Variants in PRMT3 observed in about 807,000 individuals in gnomAD.
PRMT3 encodes protein arginine methyltransferase 3.
A neutral mutation model predicts 71.9 loss-of-function variants in PRMT3; 62 were observed. That is an observed-to-expected ratio of 0.86 (90% CI 0.70 to 1.07). The LOEUF (loss-of-function observed/expected upper bound fraction) is 1.07, where lower values mean the gene tolerates loss of function less well. PRMT3 is among the 50% of genes least tolerant of loss of function. PRMT3 has a pLI of 0.00. For synonymous variants in PRMT3, 213 were observed against 220.4 expected (o/e 0.97, Z 0.30); for missense variants, 663 against 643.0 (o/e 1.03, Z -0.34).
chr11:20,464,542 G>A lies in PRMT3; in HGVS notation c.1343G>A (p.Cys448Tyr). ...FTLKITRTSM[C>Y]TAIAGYFDIY... Reference sequence around the variant, plus strand: ...CTGAAAATCACAAGGACATCCATGTGCACGGTAAGCTATTTCATTCTGCTT... The same window carrying A: ...CTGAAAATCACAAGGACATCCATGTACACGGTAAGCTATTTCATTCTGCTT... Residue 448 changes from cysteine to tyrosine, a missense_variant, in exon 13 of 16, where the codon TGC becomes TAC. Transcript: ENST00000331079. 6.2e-7 allele frequency: 1 copy of A among 1,610,000 alleles called. No individual in the cohort carries two copies. Among genetic ancestry groups the A allele is most frequent in the African/African-American group, 1.3e-5 (1 of 74,710 alleles).
In PRMT3 at chr11:20,504,707, T is replaced by TGAGAGAGAGAGAGA. The variant is rs57201745; in HGVS notation, c.1487-3571_1487-3558dup. ...TATTGTATGTGTGTGTGTGTGTGTG[T>TGAGAGAGAGAGAGA]GAGAGAGAGAGAGAGAGAGAGAGAG... On this transcript the variant is annotated intron_variant, in intron 15 of 15. Transcript: ENST00000331079. 1.6e-4 allele frequency among the ~76,000 whole-genome samples: 21 copies of TGAGAGAGAGAGAGA among 133,642 alleles called. 1 individual carries two copies. Among genetic ancestry groups the TGAGAGAGAGAGAGA allele is most frequent in the African/African-American group, 5.4e-4 (18 of 33,126 alleles). The allele number at this position is 133,642 out of a possible 152,430, so 87.7% of individuals were successfully genotyped here. A position where few individuals can be genotyped will look rare whatever the true frequency, so the allele number is the denominator to read the frequency against.
chr11:20,470,847 C>G (rs1393742392), intron 13 of PRMT3, among the ~76,000 whole-genome samples: 2 of 152,182 alleles, frequency 1.3e-5, no homozygotes, highest in African/African-American at 2.4e-5. Flanking sequence ...AACTAATTTA[C>G]ATTTCCACCA....
chr11:20,467,439 T>C (rs1850538583), intron 13 of PRMT3, among the ~76,000 whole-genome samples: 1 of 152,036 alleles, frequency 6.6e-6, no homozygotes, highest in Non-Finnish European at 1.5e-5. Context: ...CAAAAAACCT[T>C]CTTTGTGGGA....
chr11:20,448,426 A>G (rs796719100), intron 10 of PRMT3, among the ~76,000 whole-genome samples: 14 of 152,284 alleles, frequency 9.2e-5, no homozygotes, highest in African/African-American at 3.4e-4. Flanking sequence ...TGATTCAGAG[A>G]TATACTACAT....
intron 13 of PRMT3, among the ~76,000 whole-genome samples, chr11:20,487,154 C>G (rs1851094877): frequency 6.6e-6 from 1 of 151,928 alleles, no homozygotes; most frequent in African/African-American, 2.4e-5. Context: ...AAACCTGTGC[C>G]AAAGGAAGTA....
chr11:20,410,470 A>G (rs1003110083), intron 9 of PRMT3, among the ~76,000 whole-genome samples: 6 of 138,858 alleles, frequency 4.3e-5, no homozygotes, highest in African/African-American at 1.6e-4. Context: ...TTTCTAAAAA[A>G]AATTATATTT....
intron 8 of PRMT3, among the ~76,000 whole-genome samples, chr11:20,404,219 T>TTGTTTTGTTTTG (rs1407600858): frequency 1.5e-3 from 14 of 9,240 alleles, no homozygotes; most frequent in Admixed American, 2.8e-3. Flanking sequence ...TAGTTTTTTT[T>TTGTTTTGTTTTG]TTTTTTTTTT....
Position 20,392,880 on chromosome 11 carries a change from ATT to A in PRMT3, c.298-16_298-15del, listed in dbSNP as rs773155062. 2.7e-5 allele frequency: 39 copies of A among 1,471,310 alleles called. No individual in the cohort carries two copies. In the African/African-American group the frequency reaches 5.1e-4, roughly 19 times the overall value. The allele number at this position is 1,471,310 out of a possible 1,614,324, so 91.1% of individuals were successfully genotyped here. Reference sequence around the variant, plus strand: ...TTATATGTAATGAAAAAAACATGAGATTAATTTTATATCCAGAATCCTACAGT... The same window carrying A: ...TTATATGTAATGAAAAAAACATGAGAAATTTTATATCCAGAATCCTACAGT... On this transcript the variant is annotated splice_polypyrimidine_tract_variant and intron_variant, in intron 4 of 15. Coordinates refer to ENST00000331079, the MANE Select transcript of PRMT3 (RefSeq NM_005788.4).
intron 9 of PRMT3, among the ~76,000 whole-genome samples, chr11:20,422,392 T>G (rs1849447087): frequency 6.6e-6 from 1 of 152,198 alleles, no homozygotes; most frequent in Non-Finnish European, 1.5e-5. Flanking sequence ...GTTCATTACT[T>G]TCCTGTTGAA....
intron 5 of PRMT3, among the ~76,000 whole-genome samples, chr11:20,395,098 A>G (rs1848796310): frequency 6.6e-6 from 1 of 152,198 alleles, no homozygotes; most frequent in Non-Finnish European, 1.5e-5. Flanking sequence ...TAAAATAGGG[A>G]TAAATACATC....
intron 13 of PRMT3, among the ~76,000 whole-genome samples, chr11:20,481,606 T>G (rs1850938510): frequency 6.6e-6 from 1 of 152,104 alleles, no homozygotes; most frequent in Non-Finnish European, 1.5e-5. Context: ...TTAAGAGATT[T>G]TCCAAGGTAA....
In PRMT3 at chr11:20,452,130, G is replaced by C. The variant is rs1212979215; in HGVS notation, c.994G>C (p.Gly332Arg). The C allele has an allele frequency of 1.9e-6, 3 of 1,598,442 alleles. No homozygotes were observed. The highest frequency in any genetic ancestry group is 2.2e-5 in the East Asian group (1 of 44,678). ...KVDVIISEWM[G>R]YFLLFESMLD... ...CTTTTTTTCCCCTTTTTTTATGCAGGGCTATTTTCTTCTGTTTGAGTCTAT... is the reference window on the plus strand; with the variant it reads ...CTTTTTTTCCCCTTTTTTTATGCAGCGCTATTTTCTTCTGTTTGAGTCTAT... The change falls in exon 11 of 16, where the codon GGC becomes CGC. Residue 332 changes from glycine (G) to arginine (R), a missense_variant and splice_region_variant. Gly to Arg is a moderately radical substitution (Grantham distance 125, BLOSUM62 -2). Coordinates refer to ENST00000331079, the MANE Select transcript of PRMT3 (RefSeq NM_005788.4).
intron 13 of PRMT3, among the ~76,000 whole-genome samples, chr11:20,469,167 A>G (rs918722574): frequency 1.3e-5 from 2 of 152,334 alleles, no homozygotes; most frequent in Non-Finnish European, 1.5e-5. Context: ...CATTTCATCT[A>G]TCATATCAGC....
intron 13 of PRMT3, among the ~76,000 whole-genome samples, chr11:20,478,947 T>C (rs1445525014): frequency 6.6e-6 from 1 of 152,218 alleles, no homozygotes; most frequent in Non-Finnish European, 1.5e-5. Context: ...GCTAATCAGC[T>C]AACGAAACTA....
intron 8 of PRMT3, among the ~76,000 whole-genome samples, chr11:20,404,211 GTTTTTTTTTT>G (rs71063629): frequency 0.66 from 22,400 of 34,162 alleles, 7,572 homozygotes; most frequent in Middle Eastern, 0.75. Flanking sequence ...ACTTTTCATA[GTTTTTTTTTT>G]TTTTTTTTTT....
At chr11:20,475,514 T>C (rs1181705764) in intron 13 of PRMT3, among the ~76,000 whole-genome samples, 2 of 152,242 alleles carry the variant, frequency 1.3e-5, no homozygotes, top group African/African-American at 4.8e-5. Context: ...GTGACCACCA[T>C]TGTATATGCA....
rs761868811 is a variant in PRMT3, at chr11:20,404,224, T to TGTTTTG, written c.771+1240_771+1241insGTTTTG. Among the ~76,000 whole-genome samples, 333 of 95,172 alleles carry TGTTTTG rather than the reference T, an allele frequency of 3.5e-3. 14 individuals carry two copies. Among genetic ancestry groups the TGTTTTG allele is most frequent in the African/African-American group, 0.014 (322 of 22,692 alleles). The allele number at this position is 95,172 out of a possible 152,430, so 62.4% of individuals were successfully genotyped here. A position where few individuals can be genotyped will look rare whatever the true frequency, so the allele number is the denominator to read the frequency against. ...AGACTTTTCATAGTTTTTTTTTTTT[T>TGTTTTG]TTTTTTTTTTTTTTTTTTTTTTTTT... On this transcript the variant is annotated intron_variant, in intron 8 of 15. Transcript: ENST00000331079.
At chr11:20,403,961 C>T (rs950191426) in intron 8 of PRMT3, among the ~76,000 whole-genome samples, 3 of 151,572 alleles carry the variant, frequency 2.0e-5, no homozygotes, top group Admixed American at 6.6e-5. Flanking sequence ...TTTTCATTTT[C>T]CATACCTCTT....
chr11:20,397,472 C>G (rs1848850499), intron 6 of PRMT3, 105 bp from the exon 7 acceptor site: 2 of 1,088,490 alleles, frequency 1.8e-6, no homozygotes, highest in African/African-American at 3.1e-5. Context: ...TTAGAAGACT[C>G]ATCACACTGT....
Sources: allele counts gnomAD v4.1 joint callset (sites outside exome capture counted in the v4.1 genomes callset), GRCh38; gene constraint gnomAD v4.1.1; transcripts MANE v1.5; gene names NCBI Gene and HGNC (gene_info 2026-07-23, HGNC 2026-07-21).